Variants in OTOP3 observed in about 807,000 individuals in gnomAD.
OTOP3 encodes the protein proton channel OTOP3.
A neutral mutation model predicts 50.8 loss-of-function variants in OTOP3; 41 were observed. That is an observed-to-expected ratio of 0.81 (90% CI 0.63 to 1.05). The LOEUF (loss-of-function observed/expected upper bound fraction) is 1.05. Among genes scored for constraint, OTOP3 ranks in the 50% least tolerant of loss-of-function variants. The pLI is 0.00. For synonymous variants in OTOP3, 320 were observed against 324.4 expected (o/e 0.99, Z 0.14); for missense variants, 788 against 760.8 (o/e 1.04, Z -0.42).
rs1463677991 is a variant in OTOP3, at chr17:74,935,907, G to C, written c.-15G>C. The C allele has an allele frequency of 1.3e-6, 2 of 1,546,688 alleles. No homozygotes were observed. The highest frequency in any genetic ancestry group is 2.7e-5 in the African/African-American group (2 of 73,020). ...GATCCGCTCAGCGCCCGCAGTCGGT[G>C]GTTAGCCCACGGCGATGCCTCTCCC... On this transcript the variant is annotated 5_prime_UTR_variant, in exon 1 of 7. Coordinates refer to ENST00000328801, the MANE Select transcript of OTOP3 (RefSeq NM_001272005.2).
In OTOP3 at chr17:74,935,929, T is replaced by C. The variant is rs1322354048; in HGVS notation, c.8T>C (p.Leu3Pro). 1 of 1,544,660 alleles carries C rather than the reference T, an allele frequency of 6.5e-7. No homozygotes were observed. MP[L>P]PASAPAEATP... ...GGTGGTTAGCCCACGGCGATGCCTCTCCCGGCCTCAGGTAAGCCCGGAGCG... is the reference window on the plus strand; with the variant it reads ...GGTGGTTAGCCCACGGCGATGCCTCCCCCGGCCTCAGGTAAGCCCGGAGCG... Residue 3 changes from leucine (L) to proline (P), a missense_variant, in exon 1 of 7, where the codon CTC (leucine) becomes CCC (proline). Leu to Pro is a moderately conservative substitution (Grantham distance 98). Transcript: ENST00000328801.
At chr17:74,944,114 C>T (rs1190003287) in intron 5 of OTOP3, among the ~76,000 whole-genome samples, 1 of 152,154 alleles carries the variant, frequency 6.6e-6, no homozygotes, top group African/African-American at 2.4e-5. Context: ...AGGTGCCTGG[C>T]CTCATCAATC....
chr17:74,944,867 T>G (rs2039210762), intron 5 of OTOP3, among the ~76,000 whole-genome samples: 1 of 152,204 alleles, frequency 6.6e-6, no homozygotes, highest in South Asian at 2.1e-4. Context: ...TATTTTTAAT[T>G]TTTGCTGAAG....
In OTOP3 at chr17:74,946,814, C is replaced by T. The variant is rs775712450; in HGVS notation, c.905C>T (p.Ala302Val). The part of the protein sequence containing the change: ...VMWKNVGRHV[A>V]PHMGAHPATA... The stretch of plus-strand genomic sequence containing the variant: ...TGGAAGAACGTGGGCCGCCACGTGG[C>T]ACCCCACATGGGTGCCCACCCTGCC... Residue 302 changes from alanine (A) to valine (V), a missense_variant, in exon 6 of 7, where the codon GCA (alanine) becomes GTA (valine). Coordinates refer to ENST00000328801, the MANE Select transcript of OTOP3 (RefSeq NM_001272005.2). 1.2e-5 allele frequency: 19 copies of T among 1,611,440 alleles called. 2 individuals are homozygous for T. The highest frequency in any genetic ancestry group is 1.6e-5 in the Non-Finnish European group (19 of 1,180,018).
Position 74,947,031 on chromosome 17 carries a change from G to T in OTOP3, c.1122G>T (p.Ala374=), listed in dbSNP as rs8066909. 1.2e-6 allele frequency: 2 copies of T among 1,613,714 alleles called. No individual in the cohort carries two copies. Among genetic ancestry groups the T allele is most frequent in the African/African-American group, 2.7e-5 (2 of 74,908 alleles). Residue 374 remains alanine, a synonymous_variant, in exon 6 of 7, where the codon GCG becomes GCT. Coordinates refer to ENST00000328801, the MANE Select transcript of OTOP3 (RefSeq NM_001272005.2). ...VLPTMSLACL[A]GTAIHGLEER... is the part of the protein sequence containing the mutation. ...CCACCATGAGTCTGGCGTGCCTGGCGGGCACAGCCATACACGGGCTGGAGG... is the reference window on the plus strand; with the variant it reads ...CCACCATGAGTCTGGCGTGCCTGGCTGGCACAGCCATACACGGGCTGGAGG...
chr17:74,942,923 C>A (rs1026927277), intron 3 of OTOP3, among the ~76,000 whole-genome samples: 2 of 152,126 alleles, frequency 1.3e-5, no homozygotes, highest in African/African-American at 4.8e-5. Context: ...CCAGCCTGGG[C>A]GACAGAGCGA....
intron 1 of OTOP3, 92 bp from the exon 2 acceptor site, chr17:74,941,301 G>C (rs1327358035): frequency 7.4e-7 from 1 of 1,358,748 alleles, no homozygotes. Flanking sequence ...AGGCCGCATA[G>C]CTGACCCTGG....
chr17:74,949,623 A>G lies in OTOP3; in HGVS notation c.*207A>G, dbSNP rs958850994. 11 of 600,136 alleles carry G rather than the reference A, an allele frequency of 1.8e-5. No individual in the cohort carries two copies. The African/African-American group carries it at 1.9e-4, about 10-fold the overall frequency. 37.2% of individuals were successfully genotyped at this position (600,136 alleles called of 1,614,324 possible). A position where few individuals can be genotyped will look rare whatever the true frequency, so the allele number is the denominator to read the frequency against. ...CCTGGACACTGAGCTTCTGATGCCC[A>G]CGGCCAGGCCTGGGCACATGCCTGC... On this transcript the variant is annotated 3_prime_UTR_variant, in exon 7 of 7. Transcript: ENST00000328801.
Position 74,941,769 on chromosome 17 carries a change from GCT to G in OTOP3, c.399_400del (p.Tyr134ProfsTer77). On this transcript the variant is annotated frameshift_variant, in exon 2 of 7. Coordinates refer to ENST00000328801, the MANE Select transcript of OTOP3 (RefSeq NM_001272005.2). LOFTEE classifies it high-confidence loss of function. ...ASTTRRPHAV[L>X]YQDPHAGPLW... is the part of the protein sequence containing the mutation. ...GCACCACCCGCCGACCACACGCCGT[GCT>G]CTACCAAGATCCCCACGCGGGGCCC... 6.2e-7 allele frequency: 1 copy of G among 1,613,666 alleles called. No homozygotes were observed. Among genetic ancestry groups the G allele is most frequent in the Non-Finnish European group, 8.5e-7 (1 of 1,179,864 alleles).
rs764918488 is a variant in OTOP3 at position 74,947,073 on chromosome 17, G to T, written c.1164G>T (p.Thr388=). The change falls in exon 6 of 7, where the codon ACG becomes ACT. Residue 388 remains threonine (T), a synonymous_variant. Coordinates refer to ENST00000328801, the MANE Select transcript of OTOP3 (RefSeq NM_001272005.2). ...IHGLEERELD[T]VKNPTRSLDV... ...GGCTGGAGGAGAGAGAGCTGGACAC[G>T]GTCAAGAACCCTACCCGCAGCCTGG... The T allele has an allele frequency of 1.9e-6, 3 of 1,614,110 alleles. No individual in the cohort carries two copies. Among genetic ancestry groups the T allele is most frequent in the Non-Finnish European group, 2.5e-6 (3 of 1,180,052 alleles).
intron 3 of OTOP3, 83 bp downstream of exon 3, chr17:74,942,120 C>T (rs2039183051): frequency 6.7e-7 from 1 of 1,488,914 alleles, no homozygotes; most frequent in South Asian, 1.3e-5. Flanking sequence ...CTACCTATGC[C>T]TAGGAACAGC....
In OTOP3 at chr17:74,943,665, A is replaced by G. The variant is rs1567951261; in HGVS notation, c.692A>G (p.Asn231Ser). ...CTGCTGTGGGTTCTGGCCGTTACCAATGACTCCATGCACCGAGAGATCGAA... is the reference window on the plus strand; with the variant it reads ...CTGCTGTGGGTTCTGGCCGTTACCAGTGACTCCATGCACCGAGAGATCGAA... ...NLLLWVLAVTNDSMHREIEAE... is the reference protein window; with the variant it reads ...NLLLWVLAVTSDSMHREIEAE... The change falls in exon 5 of 7, where the codon AAT becomes AGT. Residue 231 changes from asparagine to serine, a missense_variant. Transcript: ENST00000328801. The G allele has an allele frequency of 6.2e-7, 1 of 1,612,912 alleles. No homozygotes were observed. The highest frequency in any genetic ancestry group is 8.5e-7 in the Non-Finnish European group (1 of 1,179,900).
Position 74,943,589 on chromosome 17 carries a change from T to A in OTOP3, c.633-17T>A. 6.2e-7 allele frequency: 1 copy of A among 1,609,898 alleles called. No homozygotes were observed. ...AGCCGGCCAGGGTGTGTGAGAAGAG[T>A]GTGGCATTTCCCCCAGGTGTGGCCT... On this transcript the variant is annotated splice_polypyrimidine_tract_variant and intron_variant, in intron 4 of 6. Transcript: ENST00000328801.
rs115453904 is a variant in OTOP3 at position 74,940,978 on chromosome 17, G to A, written c.20-415G>A. Among the ~76,000 whole-genome samples the A allele has an allele frequency of 7.5e-3, 1,141 of 152,234 alleles. 23 individuals are homozygous for A. The highest frequency in any genetic ancestry group is 0.026 in the African/African-American group (1,092 of 41,538). On this transcript the variant is annotated intron_variant, in intron 1 of 6. Transcript: ENST00000328801. Reference sequence around the variant, plus strand: ...TCAGAATAAGAAAGGCCACCAATTTGCCCTCCCTGGTGTCAGAAGTGAAAG... The same window carrying A: ...TCAGAATAAGAAAGGCCACCAATTTACCCTCCCTGGTGTCAGAAGTGAAAG...
intron 1 of OTOP3, among the ~76,000 whole-genome samples, chr17:74,939,304 T>C (rs1330268571): frequency 6.6e-6 from 1 of 151,442 alleles, no homozygotes; most frequent in Non-Finnish European, 1.5e-5. Flanking sequence ...GGTGGGGAGA[T>C]GGAGATGTCA....
At chr17:74,937,925 G>A (rs1438178219) in intron 1 of OTOP3, among the ~76,000 whole-genome samples, 4 of 152,088 alleles carry the variant, frequency 2.6e-5, no homozygotes, top group Non-Finnish European at 4.4e-5. Context: ...GAGGATGGGC[G>A]AGTGGTGGGG....
At chr17:74,935,851 C>T (rs190760815), upstream of OTOP3, 7 of 1,533,274 alleles carry the variant, frequency 4.6e-6, no homozygotes, top group African/African-American at 8.2e-5. Flanking sequence ...TGGGGGAGGG[C>T]GTCGCGGGCA....
At chr17:74,936,137 G>A (rs907884011) in intron 1 of OTOP3, among the ~76,000 whole-genome samples, 197 bp downstream of exon 1, 8 of 152,194 alleles carry the variant, frequency 5.3e-5, no homozygotes, top group Non-Finnish European at 8.8e-5. Context: ...CGCGCTCCGC[G>A]CCCCTACTCC....
Position 74,949,745 on chromosome 17 carries a change from A to G in OTOP3, c.*329A>G, listed in dbSNP as rs2039265896. 1 of 273,446 alleles carries G rather than the reference A, an allele frequency of 3.7e-6. No individual in the cohort carries two copies. Among genetic ancestry groups the G allele is most frequent in the South Asian group, 7.9e-5 (1 of 12,580 alleles). The allele number at this position is 273,446 out of a possible 1,614,324, so 16.9% of individuals were successfully genotyped here. A position where few individuals can be genotyped will look rare whatever the true frequency, so the allele number is the denominator to read the frequency against. On this transcript the variant is annotated 3_prime_UTR_variant, in exon 7 of 7. Transcript: ENST00000328801. ...TACTCTGTGGGAGGGTCAGACCTAC[A>G]TGACCGAGTCTGGGGAGCTTGGCGA...
Sources: allele counts gnomAD v4.1 joint callset (sites outside exome capture counted in the v4.1 genomes callset), GRCh38; gene constraint gnomAD v4.1.1; transcripts MANE v1.5; gene names NCBI Gene and HGNC (gene_info 2026-07-23, HGNC 2026-07-21).